ASTN1: variants seen among roughly 807,000 people sequenced by gnomAD.
The protein encoded by ASTN1 is astrotactin-1.
A neutral mutation model predicts 140.7 loss-of-function variants in ASTN1; 41 were observed. That is an observed-to-expected ratio of 0.29 (90% CI 0.23 to 0.38). The LOEUF is 0.38. Ranked by LOEUF, ASTN1 falls within the 10% of genes least tolerant of loss-of-function variation. ASTN1 has a pLI of 1.00. For synonymous variants in ASTN1, 640 were observed against 652.2 expected (o/e 0.98, Z 0.29); for missense variants, 1,479 against 1,678.8 (o/e 0.88, Z 2.08).
At chr1:176,912,005 C>T (rs1670262785) in intron 16 of ASTN1, among the ~76,000 whole-genome samples, 1 of 152,134 alleles carries the variant, frequency 6.6e-6, no homozygotes, top group African/African-American at 2.4e-5. Context: ...TCTTATGGGA[C>T]CACTGTCATA....
chr1:176,955,241 G>A (rs1672352004), intron 11 of ASTN1, among the ~76,000 whole-genome samples: 1 of 152,200 alleles, frequency 6.6e-6, no homozygotes. Flanking sequence ...AGGTGGTTCA[G>A]CTGATACATT....
chr1:177,138,355 C>G (rs995083879), intron 1 of ASTN1, among the ~76,000 whole-genome samples: 1 of 152,190 alleles, frequency 6.6e-6, no homozygotes, highest in Non-Finnish European at 1.5e-5. Context: ...GGATAATACA[C>G]TAGCTGAAAC....
At chr1:176,956,002 G>C (rs1672384629) in intron 11 of ASTN1, among the ~76,000 whole-genome samples, 1 of 152,180 alleles carries the variant, frequency 6.6e-6, no homozygotes, top group African/African-American at 2.4e-5. Context: ...TCTCAGCTGG[G>C]AGCTCCATTA....
At chr1:176,882,805 G>C (rs1326625268) in intron 20 of ASTN1, 54 bp downstream of exon 20, 48 of 1,605,186 alleles carry the variant, frequency 3.0e-5, no homozygotes, top group Non-Finnish European at 3.8e-5. Flanking sequence ...AAACCGGTAA[G>C]AAGCCTTGGG....
intron 1 of ASTN1, among the ~76,000 whole-genome samples, chr1:177,119,746 A>G (rs1681283519): frequency 6.6e-6 from 1 of 152,106 alleles, no homozygotes; most frequent in Admixed American, 6.5e-5. Context: ...TCTGTACTTC[A>G]TTTTCCTCTC....
intron 16 of ASTN1, among the ~76,000 whole-genome samples, chr1:176,900,255 C>T (rs1011780176): frequency 3.3e-5 from 5 of 152,184 alleles, no homozygotes; most frequent in Admixed American, 6.5e-5. Flanking sequence ...AGTAACAAAA[C>T]CTCAATATGC....
chr1:177,021,586 C>T (rs545355091), intron 7 of ASTN1, among the ~76,000 whole-genome samples: 2 of 152,282 alleles, frequency 1.3e-5, no homozygotes, highest in East Asian at 3.9e-4. Context: ...GGACTTTGGG[C>T]AAATCGTGTA....
At chr1:176,883,568 G>A (rs916020351) in intron 19 of ASTN1, among the ~76,000 whole-genome samples, 1 of 152,196 alleles carries the variant, frequency 6.6e-6, no homozygotes, top group African/African-American at 2.4e-5. Flanking sequence ...CCGTACCTCA[G>A]CAATACCTGT....
chr1:176,910,154 T>C (rs1392620350), intron 16 of ASTN1, among the ~76,000 whole-genome samples: 1 of 152,228 alleles, frequency 6.6e-6, no homozygotes, highest in Non-Finnish European at 1.5e-5. Context: ...TATTTCCAAA[T>C]TTCTGAGTTG....
chr1:176,973,789 G>A (rs1171239587), intron 8 of ASTN1, among the ~76,000 whole-genome samples: 1 of 152,120 alleles, frequency 6.6e-6, no homozygotes, highest in Non-Finnish European at 1.5e-5. Flanking sequence ...CCTCCTTCCA[G>A]TAATTAGGCA....
At chr1:177,025,078 G>A (rs891250775) in intron 5 of ASTN1, among the ~76,000 whole-genome samples, 5 of 152,276 alleles carry the variant, frequency 3.3e-5, no homozygotes, top group South Asian at 2.1e-4. Flanking sequence ...AAGGGTGGGC[G>A]GGATGCTTTA....
chr1:177,090,129 T>C lies in ASTN1; in HGVS notation c.284-28864A>G, dbSNP rs1679676076. Among the ~76,000 whole-genome samples, 5 of 152,132 alleles carry C rather than the reference T, an allele frequency of 3.3e-5. No homozygotes were observed. The South Asian group carries it at 1.0e-3, about 32-fold the overall frequency. ...AAGGTACAATTTATATACAATTATA[T>C]TGATAATCTTTGTAATTCAATTTTT... On this transcript the variant is annotated intron_variant, in intron 1 of 22. Coordinates refer to ENST00000361833, the MANE Select transcript of ASTN1 (RefSeq NM_004319.3).
At chr1:177,121,727 G>A (rs1286181761) in intron 1 of ASTN1, among the ~76,000 whole-genome samples, 1 of 152,012 alleles carries the variant, frequency 6.6e-6, no homozygotes, top group Non-Finnish European at 1.5e-5. Context: ...TTGCTGACCT[G>A]AGGGCCCCTA....
At chr1:177,107,121 G>T (rs1183931495) in intron 1 of ASTN1, among the ~76,000 whole-genome samples, 1 of 152,098 alleles carries the variant, frequency 6.6e-6, no homozygotes, top group Non-Finnish European at 1.5e-5. Context: ...TGGACCAGCT[G>T]CATGGGCGTC....
At chr1:177,141,298 T>C (rs1432380175) in intron 1 of ASTN1, among the ~76,000 whole-genome samples, 1 of 152,122 alleles carries the variant, frequency 6.6e-6, no homozygotes, top group Non-Finnish European at 1.5e-5. Flanking sequence ...AGAGGAAAAG[T>C]ACTTAGCTCA....
intron 8 of ASTN1, among the ~76,000 whole-genome samples, chr1:176,970,113 C>T (rs998705633): frequency 6.6e-6 from 1 of 152,242 alleles, no homozygotes; most frequent in African/African-American, 2.4e-5. Context: ...TCTCTAAGCA[C>T]TGGCAATTTT....
At chr1:177,162,786 C>T (rs558997093) in intron 1 of ASTN1, among the ~76,000 whole-genome samples, 14 of 152,312 alleles carry the variant, frequency 9.2e-5, no homozygotes, top group South Asian at 2.1e-4. Context: ...ATGACTTCAA[C>T]GTGAACTTTC....
chr1:176,918,774 T>C (rs999111429), intron 16 of ASTN1, among the ~76,000 whole-genome samples: 1 of 152,170 alleles, frequency 6.6e-6, no homozygotes, highest in Non-Finnish European at 1.5e-5. Context: ...AAAATCTAAG[T>C]GGTGCATTCC....
At chr1:177,084,058 G>T (rs1440735517) in intron 1 of ASTN1, among the ~76,000 whole-genome samples, 3 of 152,128 alleles carry the variant, frequency 2.0e-5, no homozygotes, top group Non-Finnish European at 4.4e-5. Context: ...AAGTTTGGAG[G>T]CTCCTTATAA....
Sources: allele counts gnomAD v4.1 joint callset (sites outside exome capture counted in the v4.1 genomes callset), GRCh38; gene constraint gnomAD v4.1.1; transcripts MANE v1.5; gene names NCBI Gene and HGNC (gene_info 2026-07-23, HGNC 2026-07-21).